C21orf58: variants seen among roughly 807,000 people sequenced by gnomAD.
The protein encoded by C21orf58 is uncharacterized protein C21orf58.
C21orf58 carries 34 observed loss-of-function variants against 35.8 expected under a neutral mutation model. That is an observed-to-expected ratio of 0.95 (90% CI 0.72 to 1.26). The LOEUF is 1.26. Ranked by LOEUF, C21orf58 falls within the 50% of genes most tolerant of loss-of-function variation. The pLI, the probability that C21orf58 is intolerant of heterozygous loss-of-function variation, is 0.00. For missense variants in C21orf58, 440 were observed against 414.3 expected (o/e 1.06, Z -0.54); for synonymous variants, 191 against 175.8 (o/e 1.09, Z -0.68).
At chr21:46,307,447 C>A (rs1460515262) in intron 6 of C21orf58, among the ~76,000 whole-genome samples, 1 of 152,042 alleles carries the variant, frequency 6.6e-6, no homozygotes, top group Non-Finnish European at 1.5e-5. Flanking sequence ...CACACACACA[C>A]CCACACACAC....
chr21:46,305,915 C>T (rs552221672), intron 6 of C21orf58, among the ~76,000 whole-genome samples: 4 of 151,690 alleles, frequency 2.6e-5, no homozygotes, highest in African/African-American at 9.7e-5. Context: ...GCACTCCAGC[C>T]TGGCAGACAG....
rs1360186575 is a variant in C21orf58, at chr21:46,323,617, C to T, written c.-879G>A. On this transcript the variant is annotated 5_prime_UTR_variant, in exon 1 of 8. Transcript: ENST00000291691. ...GATTTTGTTTCGGGTTCCCAGGGTC[C>T]CGGCAAGGGTGAGGGAGCCCTTGCG... is the stretch of plus-strand genomic sequence containing the variant. 6.5e-6 allele frequency: 1 copy of T among 153,016 alleles called. No homozygotes were observed. The highest frequency in any genetic ancestry group is 1.5e-5 in the Non-Finnish European group (1 of 68,558). 9.5% of individuals were successfully genotyped at this position (153,016 alleles called of 1,614,324 possible). A position where few individuals can be genotyped will look rare whatever the true frequency, so the allele number is the denominator to read the frequency against.
At position 46,322,583 on chromosome 21, in the gene C21orf58, T is replaced by G. The variant is rs981171485; in HGVS notation, c.100+56A>C. 2.1e-6 allele frequency: 3 copies of G among 1,422,352 alleles called. No homozygotes were observed. In the African/African-American group the frequency reaches 4.4e-5, roughly 21 times the overall value. The allele number at this position is 1,422,352 out of a possible 1,614,324, so 88.1% of individuals were successfully genotyped here. A position where few individuals can be genotyped will look rare whatever the true frequency, so the allele number is the denominator to read the frequency against. ...AATGAGCCCACTGCCCAGAGTTTGCTCAAACCACCCAATTCCGAGTCTGGG... is the reference window on the plus strand; with the variant it reads ...AATGAGCCCACTGCCCAGAGTTTGCGCAAACCACCCAATTCCGAGTCTGGG... On this transcript the variant is annotated intron_variant, in intron 1 of 7. Coordinates refer to ENST00000291691, the MANE Select transcript of C21orf58 (RefSeq NM_058180.5).
rs188324762 is a variant in C21orf58 at position 46,315,545 on chromosome 21, T to A, written c.373A>T (p.Asn125Tyr). 8.6e-5 allele frequency: 138 copies of A among 1,606,804 alleles called. No individual in the cohort carries two copies. Among genetic ancestry groups the A allele is most frequent in the Non-Finnish European group, 1.1e-4 (126 of 1,173,812 alleles). ...GPEGLHLEPG[N>Y]EDRPDDALQT... ...AGGGCATCGTCCGGCCGGTCCTCAT[T>A]TCCTGGAGGGAAGAACCTGCTTGCT... The change falls in exon 4 of 8, where the codon AAT (asparagine) becomes TAT (tyrosine). Residue 125 changes from asparagine (N) to tyrosine (Y), a missense_variant and splice_region_variant. Coordinates refer to ENST00000291691, the MANE Select transcript of C21orf58 (RefSeq NM_058180.5).
chr21:46,313,014 C>T lies in C21orf58; in HGVS notation c.610-1447G>A, dbSNP rs2082808704. 3.0e-6 allele frequency: 3 copies of T among 985,450 alleles called. No homozygotes were observed. The South Asian group carries it at 1.4e-4, about 46-fold the overall frequency. 61.0% of individuals were successfully genotyped at this position (985,450 alleles called of 1,614,324 possible). ...TTTATCCTCTTCTAGCTGTGTGAGG[C>T]TGCCTGGCCTTGTCCCTTCTTCCTC... On this transcript the variant is annotated intron_variant, in intron 5 of 7. Transcript: ENST00000291691.
At chr21:46,306,851 A>G (rs1048996259) in intron 6 of C21orf58, among the ~76,000 whole-genome samples, 3 of 149,518 alleles carry the variant, frequency 2.0e-5, no homozygotes, top group South Asian at 2.1e-4. Flanking sequence ...GCCTCCCAAA[A>G]TGCTGGGATT....
intron 6 of C21orf58, among the ~76,000 whole-genome samples, chr21:46,306,728 C>CA (rs1464849362): frequency 1.3e-5 from 2 of 152,060 alleles, no homozygotes; most frequent in Non-Finnish European, 2.9e-5. Context: ...GCTAGGACCA[C>CA]AGGCATGCAC....
intron 6 of C21orf58, among the ~76,000 whole-genome samples, 169 bp from the exon 7 acceptor site, chr21:46,302,745 G>C (rs4819233): frequency 4.2e-4 from 62 of 147,274 alleles, no homozygotes; most frequent in Non-Finnish European, 6.8e-4. Context: ...GGCGCGCCCT[G>C]AGCCCGTCTG....
At chr21:46,322,332 A>G in intron 1 of C21orf58, 1 of 497,812 alleles carries the variant, frequency 2.0e-6, no homozygotes, top group Non-Finnish European at 2.6e-6. Context: ...CAAGTCCAAC[A>G]TTAGCAGAAC....
chr21:46,308,456 A>C (rs960129915), intron 6 of C21orf58, among the ~76,000 whole-genome samples: 1 of 151,988 alleles, frequency 6.6e-6, no homozygotes, highest in Non-Finnish European at 1.5e-5. Context: ...GTGAGACTCC[A>C]TCTCAAAAAA....
Position 46,317,240 on chromosome 21 carries a change from T to C in C21orf58, c.338A>G (p.Glu113Gly). Residue 113 changes from glutamate (E) to glycine (G), a missense_variant, in exon 3 of 8, where the codon GAA (glutamate) becomes GGA (glycine). Glu to Gly is a moderately conservative substitution (Grantham distance 98). Coordinates refer to ENST00000291691, the MANE Select transcript of C21orf58 (RefSeq NM_058180.5). Reference sequence around the variant, plus strand: ...GAGGTGGAGGCCCTCAGGTCCCCCTTCCACGTTCTGCCGTTCTTGCTCCAG... The same window carrying C: ...GAGGTGGAGGCCCTCAGGTCCCCCTCCCACGTTCTGCCGTTCTTGCTCCAG... ...QKLEQERQNV[E>G]GGPEGLHLEP... is the part of the protein sequence containing the mutation. The C allele has an allele frequency of 6.2e-7, 1 of 1,611,988 alleles. No homozygotes were observed. Among genetic ancestry groups the C allele is most frequent in the Non-Finnish European group, 8.5e-7 (1 of 1,179,726 alleles).
chr21:46,309,411 G>A (rs76967747), intron 6 of C21orf58, among the ~76,000 whole-genome samples: 9,924 of 150,340 alleles, frequency 0.066, 1,054 homozygotes, highest in African/African-American at 0.23. Context: ...GAAGTGAGCC[G>A]AGATTGCGCC....
chr21:46,300,934 C>T (rs1328662492), downstream of C21orf58: 8 of 819,564 alleles, frequency 9.8e-6, no homozygotes, highest in African/African-American at 1.1e-4. Flanking sequence ...AGCCTGTCCA[C>T]ATGGTAAGAA....
At position 46,313,858 on chromosome 21, in the gene C21orf58, C is replaced by CCCACCT. The variant is rs1278389590; in HGVS notation, c.609+852_609+857dup. 3.9e-5 allele frequency among the ~76,000 whole-genome samples: 6 copies of CCCACCT among 152,160 alleles called. No homozygotes were observed. The South Asian group carries it at 1.2e-3, about 32-fold the overall frequency. ...GACTCTGCTGCCCTGTCTAGAAATT[C>CCCACCT]CCACCTCAGCCTCTTCTCTTCCACC... On this transcript the variant is annotated intron_variant, in intron 5 of 7. Coordinates refer to ENST00000291691, the MANE Select transcript of C21orf58 (RefSeq NM_058180.5).
In C21orf58 at chr21:46,318,055, G is replaced by A; in HGVS notation, c.266C>T (p.Ala89Val). ...CGTCAGTCGGGTCACTTGCTCTGCTGCTGATGAGTCCAGCATGGTGGGAGC... is the reference window on the plus strand; with the variant it reads ...CGTCAGTCGGGTCACTTGCTCTGCTACTGATGAGTCCAGCATGGTGGGAGC... ...PAAPTMLDSS[A>V]AEQVTRLTLK... Residue 89 changes from alanine to valine, a missense_variant, in exon 2 of 8, where the codon GCA becomes GTA. Physicochemically the swap from Ala to Val is moderately conservative, Grantham distance 64. Coordinates refer to ENST00000291691, the MANE Select transcript of C21orf58 (RefSeq NM_058180.5). 6.2e-7 allele frequency: 1 copy of A among 1,613,506 alleles called. No homozygotes were observed. Among genetic ancestry groups the A allele is most frequent in the Non-Finnish European group, 8.5e-7 (1 of 1,180,010 alleles).
chr21:46,302,664 G>T (rs1974171), intron 6 of C21orf58, 88 bp from the exon 7 acceptor site: 5 of 965,532 alleles, frequency 5.2e-6, no homozygotes, highest in Non-Finnish European at 8.0e-6. Context: ...CCAGAGAACA[G>T]GTGTGTCTGT....
At chr21:46,311,779 C>T (rs1044558400) in intron 5 of C21orf58, 6 of 395,592 alleles carry the variant, frequency 1.5e-5, no homozygotes, top group Middle Eastern at 7.0e-4. Context: ...ATCCACCCAC[C>T]CATCCATCCA....
At chr21:46,306,293 G>GGAGGCCA in intron 6 of C21orf58, among the ~76,000 whole-genome samples, 3 of 152,096 alleles carry the variant, frequency 2.0e-5, no homozygotes, top group East Asian at 3.9e-4. Context: ...TGGATCATGA[G>GGAGGCCA]GTTCAAGACC....
At chr21:46,300,734 G>A (rs2145869440), downstream of C21orf58, 2 of 1,289,062 alleles carry the variant, frequency 1.6e-6, no homozygotes, top group East Asian at 5.6e-5. Context: ...AACTTTCAAA[G>A]ATGGAAGCAC....
Sources: allele counts gnomAD v4.1 joint callset (sites outside exome capture counted in the v4.1 genomes callset), GRCh38; gene constraint gnomAD v4.1.1; transcripts MANE v1.5; gene names NCBI Gene and HGNC (gene_info 2026-07-23, HGNC 2026-07-21).